TRIP4: variants seen among roughly 807,000 people sequenced by gnomAD.
TRIP4 encodes activating signal cointegrator 1.
In TRIP4, 54 loss-of-function variants were observed where a neutral mutation model predicts 81.8. The ratio of observed to expected loss-of-function variants is 0.66; its 90% CI spans 0.53 to 0.83. The LOEUF (loss-of-function observed/expected upper bound fraction) is 0.83, where lower values mean the gene tolerates loss of function less well. Ranked by LOEUF, TRIP4 falls within the 40% of genes least tolerant of loss-of-function variation. The pLI, the probability that TRIP4 is intolerant of heterozygous loss-of-function variation, is 0.00. For missense variants in TRIP4, 662 were observed against 683.6 expected, an observed-to-expected ratio of 0.97 and a Z score of 0.35; for synonymous variants, 270 against 242.8, an observed-to-expected ratio of 1.11 and a Z score of -1.04.
Position 64,455,103 on chromosome 15 carries a change from G to A in TRIP4, c.*39G>A. ...GAACTATACAGCATAGTGGAGTTTT[G>A]TGTACTAAAATTGCTATCTACTGGT... On this transcript the variant is annotated 3_prime_UTR_variant, in exon 13 of 13. Coordinates refer to ENST00000261884, the MANE Select transcript of TRIP4 (RefSeq NM_016213.5). 1 of 1,593,474 alleles carries A rather than the reference G, an allele frequency of 6.3e-7. No individual in the cohort carries two copies. Among genetic ancestry groups the A allele is most frequent in the Non-Finnish European group, 8.6e-7 (1 of 1,165,444 alleles).
chr15:64,431,930 G>C (rs932991558), intron 11 of TRIP4, among the ~76,000 whole-genome samples: 4 of 127,594 alleles, frequency 3.1e-5, no homozygotes, highest in South Asian at 2.5e-4. Context: ...GTCGTCCAGG[G>C]TGGTGGAGTG....
chr15:64,426,249 G>T (rs1210397355), intron 11 of TRIP4, among the ~76,000 whole-genome samples: 1 of 152,108 alleles, frequency 6.6e-6, no homozygotes, highest in Non-Finnish European at 1.5e-5. Context: ...GGAGCTTTTG[G>T]TCCAGGCTAT....
Position 64,397,809 on chromosome 15 carries a change from T to C in TRIP4, c.609T>C (p.Cys203=). The part of the protein sequence containing the change: ...EQEGSGPCLF[C]GTLVCTHEEQ... ...AAGGCTCAGGCCCTTGCTTATTCTG[T>C]GGCACTCTGGTAAATTATTTCTTTT... Residue 203 remains cysteine (C), a synonymous_variant, in exon 4 of 13, where the codon TGT becomes TGC. Coordinates refer to ENST00000261884, the MANE Select transcript of TRIP4 (RefSeq NM_016213.5). 1 of 1,614,180 alleles carries C rather than the reference T, an allele frequency of 6.2e-7. No homozygotes were observed. Among genetic ancestry groups the C allele is most frequent in the Non-Finnish European group, 8.5e-7 (1 of 1,180,012 alleles).
Position 64,409,829 on chromosome 15 carries a change from G to A in TRIP4, c.1043+1G>A. 1.2e-6 allele frequency: 2 copies of A among 1,613,674 alleles called. No homozygotes were observed. Among genetic ancestry groups the A allele is most frequent in the Non-Finnish European group, 1.7e-6 (2 of 1,179,788 alleles). ...ATTCACTAGCAGAGTATCATAGCAGGTAAGTGAGCAGCACTAGAAAGGGTC... is the reference window on the plus strand; with the variant it reads ...ATTCACTAGCAGAGTATCATAGCAGATAAGTGAGCAGCACTAGAAAGGGTC... On this transcript the variant is annotated splice_donor_variant, in intron 7 of 12. Coordinates refer to ENST00000261884, the MANE Select transcript of TRIP4 (RefSeq NM_016213.5). LOFTEE classifies it high-confidence loss of function.
intron 2 of TRIP4, among the ~76,000 whole-genome samples, chr15:64,394,477 C>A (rs966422778): frequency 1.3e-5 from 2 of 151,804 alleles, no homozygotes; most frequent in Non-Finnish European, 2.9e-5. Context: ...TGGAGGCAGG[C>A]GCCTGTAGTC....
chr15:64,404,536 C>A (rs1273997905), intron 5 of TRIP4, among the ~76,000 whole-genome samples: 1 of 151,986 alleles, frequency 6.6e-6, no homozygotes, highest in Non-Finnish European at 1.5e-5. Context: ...GGCCAGGCCT[C>A]CTGACCTCAG....
intron 9 of TRIP4, among the ~76,000 whole-genome samples, chr15:64,420,563 G>A (rs1196316182): frequency 2.1e-5 from 3 of 143,226 alleles, no homozygotes; most frequent in Non-Finnish European, 3.0e-5. Flanking sequence ...TTGCTCTGTC[G>A]CCCTAGCTGG....
intron 1 of TRIP4, 34 bp downstream of exon 1, chr15:64,387,998 C>T (rs1899999593): frequency 6.5e-7 from 1 of 1,531,756 alleles, no homozygotes; most frequent in Non-Finnish European, 8.8e-7. Context: ...GGGGAAGGAG[C>T]TCTGGGATGT....
intron 9 of TRIP4, among the ~76,000 whole-genome samples, chr15:64,422,347 T>G (rs1450386071): frequency 2.0e-5 from 3 of 152,228 alleles, no homozygotes; most frequent in Non-Finnish European, 4.4e-5. Context: ...GTTTCTCTAC[T>G]TTACTTAAAA....
chr15:64,413,199 C>CT (rs936036495), intron 7 of TRIP4, among the ~76,000 whole-genome samples: 13 of 149,848 alleles, frequency 8.7e-5, no homozygotes, highest in Admixed American at 1.3e-4. Flanking sequence ...TCCTAGGCAA[C>CT]TTTTTTTTTT....
chr15:64,399,466 G>A (rs1298811508), intron 4 of TRIP4, among the ~76,000 whole-genome samples: 1 of 151,954 alleles, frequency 6.6e-6, no homozygotes, highest in Non-Finnish European at 1.5e-5. Context: ...TTTCTCCTAG[G>A]TCCCTTGAAG....
At position 64,424,054 on chromosome 15, in the gene TRIP4, C is replaced by G. The variant is rs752707262; in HGVS notation, c.1382C>G (p.Thr461Ser). The G allele has an allele frequency of 6.2e-7, 1 of 1,613,952 alleles. No homozygotes were observed. The highest frequency in any genetic ancestry group is 1.7e-5 in the Admixed American group (1 of 60,000). The change falls in exon 10 of 13, where the codon ACC becomes AGC. Residue 461 changes from threonine to serine, a missense_variant. Thr to Ser is a moderately conservative substitution (Grantham distance 58, BLOSUM62 1). Coordinates refer to ENST00000261884, the MANE Select transcript of TRIP4 (RefSeq NM_016213.5). ...AGGGTGGAGGGCAGATCCTGGTACA[C>G]CCCCCACAGAGGACGACTTTGGATA... ...IKRVEGRSWY[T>S]PHRGRLWIAA...
chr15:64,414,237 T>A (rs1891838310), intron 8 of TRIP4, 26 bp downstream of exon 8: 1 of 1,610,718 alleles, frequency 6.2e-7, no homozygotes, highest in Non-Finnish European at 8.5e-7. Flanking sequence ...CTCTAACTGT[T>A]AATAAGAAGT....
intron 11 of TRIP4, among the ~76,000 whole-genome samples, chr15:64,434,726 C>T (rs929653842): frequency 1.3e-5 from 2 of 152,062 alleles, no homozygotes; most frequent in African/African-American, 2.4e-5. Flanking sequence ...ATGCAAGGGG[C>T]TTTATGTAGG....
Position 64,409,813 on chromosome 15 carries a change from C to T in TRIP4, c.1028C>T (p.Ala343Val), listed in dbSNP as rs372807275. The T allele has an allele frequency of 1.9e-6, 3 of 1,613,868 alleles. No individual in the cohort carries two copies. The highest frequency in any genetic ancestry group is 2.5e-6 in the Non-Finnish European group (3 of 1,179,986). The change falls in exon 7 of 13, where the codon GCA becomes GTA. Residue 343 changes from alanine to valine, a missense_variant. Transcript: ENST00000261884. ...ATCCTGGAAGAAGAAAATTCACTAG[C>T]AGAGTATCATAGCAGGTAAGTGAGC... ...RKILEEENSLAEYHSRLDETI... is the reference protein window; with the variant it reads ...RKILEEENSLVEYHSRLDETI...
chr15:64,442,085 G>A (rs1892529260), intron 11 of TRIP4, among the ~76,000 whole-genome samples: 1 of 151,892 alleles, frequency 6.6e-6, no homozygotes, highest in Non-Finnish European at 1.5e-5. Context: ...GAAATGGGGG[G>A]CCAGATTGTC....
rs1278035364 is a variant in TRIP4, at chr15:64,397,677, C to T, written c.477C>T (p.Asp159=). 1.2e-6 allele frequency: 2 copies of T among 1,614,176 alleles called. No homozygotes were observed. The highest frequency in any genetic ancestry group is 2.2e-5 in the South Asian group (2 of 91,086). Residue 159 remains aspartate, a synonymous_variant, in exon 4 of 13, where the codon GAC becomes GAT. Coordinates refer to ENST00000261884, the MANE Select transcript of TRIP4 (RefSeq NM_016213.5). ...ATTTATACACAAGAGAGGGACAGGACAGGCTTGCAGTCCTGCTCCCTGGTC... is the reference window on the plus strand; with the variant it reads ...ATTTATACACAAGAGAGGGACAGGATAGGCTTGCAGTCCTGCTCCCTGGTC... The part of the protein sequence containing the change: ...FVNLYTREGQ[D]RLAVLLPGRH...
At chr15:64,445,349 G>A (rs970358622) in intron 12 of TRIP4, 3 of 232,292 alleles carry the variant, frequency 1.3e-5, no homozygotes, top group South Asian at 1.4e-4. Flanking sequence ...CCTTTTGGCC[G>A]GGCACGGTGG....
intron 11 of TRIP4, among the ~76,000 whole-genome samples, chr15:64,435,357 TA>T (rs144129509): frequency 6.7e-6 from 1 of 148,944 alleles, no homozygotes; most frequent in Non-Finnish European, 1.5e-5. Context: ...CCATCTCTGC[TA>T]AAAAAAATAC....
Sources: allele counts gnomAD v4.1 joint callset (sites outside exome capture counted in the v4.1 genomes callset), GRCh38; gene constraint gnomAD v4.1.1; transcripts MANE v1.5; gene names NCBI Gene and HGNC (gene_info 2026-07-23, HGNC 2026-07-21).